Variants in PCDHA10 observed in about 807,000 individuals in gnomAD.
PCDHA10 encodes the protein protocadherin alpha 10.
In PCDHA10, 45 loss-of-function variants were observed where a neutral mutation model predicts 61.2. The ratio of observed to expected loss-of-function variants is 0.74; its 90% CI spans 0.58 to 0.94. The LOEUF (loss-of-function observed/expected upper bound fraction) is 0.94, where lower values mean the gene tolerates loss of function less well. Ranked by LOEUF, PCDHA10 falls within the 40% of genes least tolerant of loss-of-function variation. The pLI is 0.00. For synonymous variants in PCDHA10, 602 were observed against 548.8 expected (o/e 1.10, Z -1.35); for missense variants, 1,278 against 1,236.2 (o/e 1.03, Z -0.51).
intron 1 of PCDHA10, chr5:140,881,923 AGTGATT>A (rs2058875658): frequency 3.8e-6 from 1 of 262,834 alleles, no homozygotes; most frequent in African/African-American, 2.2e-5. Flanking sequence ...AGCAGAATGC[AGTGATT>A]TGCTGTTTCT....
At chr5:140,928,077 C>T in intron 1 of PCDHA10, 1 of 1,614,230 alleles carries the variant, frequency 6.2e-7, no homozygotes, top group Non-Finnish European at 8.5e-7. Context: ...ACAACTACTA[C>T]AGCCTGCTGA....
intron 3 of PCDHA10, among the ~76,000 whole-genome samples, chr5:141,001,096 A>T (rs919555319): frequency 1.3e-5 from 2 of 152,130 alleles, no homozygotes; most frequent in Admixed American, 1.3e-4. Flanking sequence ...AAACTGTCTA[A>T]TCCATAATAA....
chr5:140,952,157 T>TG (rs771517820), intron 1 of PCDHA10, among the ~76,000 whole-genome samples: 33 of 152,162 alleles, frequency 2.2e-4, no homozygotes, highest in Non-Finnish European at 4.3e-4. Flanking sequence ...TGTGGCTTTG[T>TG]GGGGTTCAGT....
At position 141,010,632 on chromosome 5, in the gene PCDHA10, A is replaced by G. The variant is rs782191972; in HGVS notation, c.*695A>G. The G allele has an allele frequency of 1.6e-5, 3 of 185,902 alleles. No individual in the cohort carries two copies. Among genetic ancestry groups the G allele is most frequent in the Non-Finnish European group, 3.4e-5 (3 of 88,214 alleles). The allele number at this position is 185,902 out of a possible 1,614,324, so 11.5% of individuals were successfully genotyped here. On this transcript the variant is annotated 3_prime_UTR_variant, in exon 4 of 4. Coordinates refer to ENST00000307360, the MANE Select transcript of PCDHA10 (RefSeq NM_018901.4). ...ACCTAAAATCTGCATCATACCTGCAAGCCAACAGTTCAGTGTTTTAACAGA... is the reference window on the plus strand; with the variant it reads ...ACCTAAAATCTGCATCATACCTGCAGGCCAACAGTTCAGTGTTTTAACAGA...
At chr5:140,958,503 C>T (rs1426161443) in intron 1 of PCDHA10, among the ~76,000 whole-genome samples, 1 of 152,118 alleles carries the variant, frequency 6.6e-6, no homozygotes, top group Non-Finnish European at 1.5e-5. Context: ...TCCTAGGAGG[C>T]ATGGCTGTCC....
intron 1 of PCDHA10, among the ~76,000 whole-genome samples, chr5:140,894,240 ATTTTC>A (rs2064382890): frequency 6.6e-6 from 1 of 151,828 alleles, no homozygotes; most frequent in African/African-American, 2.4e-5. Flanking sequence ...TGACAATGTA[ATTTTC>A]TTTTCTTTAC....
chr5:140,978,685 CA>C (rs1426574040), intron 1 of PCDHA10, among the ~76,000 whole-genome samples: 2 of 152,242 alleles, frequency 1.3e-5, no homozygotes, highest in African/African-American at 2.4e-5. Context: ...ATGTATTGGG[CA>C]AGGCAAAGCC....
In PCDHA10 at chr5:140,876,730, G is replaced by A. The variant is rs1338047769; in HGVS notation, c.2388+18294G>A. ...CGCCCTGGACCGCGAGAGCGTGTCG[G>A]CCTATGAGCTGGTGGTGACTGCGCG... On this transcript the variant is annotated intron_variant, in intron 1 of 3. Transcript: ENST00000307360. 1.2e-6 allele frequency: 2 copies of A among 1,614,254 alleles called. No individual in the cohort carries two copies. The highest frequency in any genetic ancestry group is 1.7e-6 in the Non-Finnish European group (2 of 1,180,050).
At chr5:140,958,139 A>T (rs1196467618) in intron 1 of PCDHA10, among the ~76,000 whole-genome samples, 2 of 152,112 alleles carry the variant, frequency 1.3e-5, no homozygotes, top group African/African-American at 2.4e-5. Context: ...CAGTGTGTAT[A>T]TTTATATAGC....
At chr5:140,926,139 C>A (rs1434952263) in intron 1 of PCDHA10, among the ~76,000 whole-genome samples, 11 of 152,088 alleles carry the variant, frequency 7.2e-5, no homozygotes, top group Non-Finnish European at 1.5e-4. Flanking sequence ...GCAGCAGGAT[C>A]CAGCGCGGAA....
At chr5:140,884,637 A>G in intron 1 of PCDHA10, 2 of 1,610,636 alleles carry the variant, frequency 1.2e-6, no homozygotes, top group Non-Finnish European at 1.7e-6. Flanking sequence ...GGCCAGAGGG[A>G]GGAGGACTCA....
At chr5:140,953,950 A>G (rs1458991224) in intron 1 of PCDHA10, among the ~76,000 whole-genome samples, 1 of 151,936 alleles carries the variant, frequency 6.6e-6, no homozygotes, top group Non-Finnish European at 1.5e-5. Flanking sequence ...TTGCTCCCCC[A>G]ACAGGCCCCA....
intron 1 of PCDHA10, chr5:140,869,704 G>A (rs1271953937): frequency 2.5e-6 from 4 of 1,613,400 alleles, no homozygotes; most frequent in Admixed American, 3.3e-5. Flanking sequence ...GAAGTCTCTG[G>A]ATAGAGAGAA....
In PCDHA10 at chr5:140,857,836, G is replaced by T; in HGVS notation, c.1788G>T (p.Val596=). The T allele has an allele frequency of 6.3e-7, 1 of 1,597,926 alleles. No homozygotes were observed. Among genetic ancestry groups the T allele is most frequent in the Non-Finnish European group, 8.6e-7 (1 of 1,167,594 alleles). ...AGHVVAKVRA[V]DADSGYNAWL... is the part of the protein sequence containing the mutation. ...ACGTGGTGGCTAAGGTGCGCGCAGT[G>T]GACGCTGACTCTGGATACAACGCGT... The change falls in exon 1 of 4, where the codon GTG becomes GTT. Residue 596 remains valine (V), a synonymous_variant. Coordinates refer to ENST00000307360, the MANE Select transcript of PCDHA10 (RefSeq NM_018901.4).
intron 1 of PCDHA10, chr5:140,882,793 C>T (rs1176435531): frequency 1.9e-6 from 3 of 1,614,210 alleles, no homozygotes; most frequent in Non-Finnish European, 2.5e-6. Context: ...TGGATCCCAA[C>T]GATTATTTCA....
At chr5:140,943,726 A>G (rs181662166) in intron 1 of PCDHA10, among the ~76,000 whole-genome samples, 8 of 152,372 alleles carry the variant, frequency 5.3e-5, no homozygotes, top group Middle Eastern at 3.4e-3. Flanking sequence ...GTCTGAGAGA[A>G]TGAAAGTCCA....
At chr5:140,993,226 T>G (rs1554253487) in intron 3 of PCDHA10, among the ~76,000 whole-genome samples, 1 of 152,204 alleles carries the variant, frequency 6.6e-6, no homozygotes, top group Non-Finnish European at 1.5e-5. Context: ...TTTGGTATGT[T>G]CTCTCTGAAT....
rs1554164701 is a variant in PCDHA10 at position 140,870,777 on chromosome 5, C to T, written c.2388+12341C>T. The T allele has an allele frequency of 3.1e-6, 5 of 1,613,610 alleles. No individual in the cohort carries two copies. In the African/African-American group the frequency reaches 4.0e-5, roughly 13 times the overall value. On this transcript the variant is annotated intron_variant, in intron 1 of 3. Coordinates refer to ENST00000307360, the MANE Select transcript of PCDHA10 (RefSeq NM_018901.4). Reference sequence around the variant, plus strand: ...TGCAGGTGTTCGTGCTGGACGAGAACGACAACGCGCCGGCACTGCTGGCGA... The same window carrying T: ...TGCAGGTGTTCGTGCTGGACGAGAATGACAACGCGCCGGCACTGCTGGCGA...
At chr5:140,875,760 C>T (rs781811926) in intron 1 of PCDHA10, 8 of 1,614,080 alleles carry the variant, frequency 5.0e-6, no homozygotes, top group Non-Finnish European at 5.9e-6. Context: ...AGAAGCTGTG[C>T]GGGCGGAGCG....
Sources: gnomAD v4.1 joint callset for allele counts (sites outside exome capture counted in the v4.1 genomes callset) on GRCh38, gnomAD v4.1.1 for gene constraint, MANE v1.5 for transcripts, NCBI Gene and HGNC (gene_info 2026-07-23, HGNC 2026-07-21) for gene names.